FRMPD4: variants seen among roughly 807,000 people sequenced by gnomAD.
FRMPD4 encodes FERM and PDZ domain containing 4, also known as FERM and PDZ domain-containing protein 4.
Under a neutral mutation model 94.1 loss-of-function variants are expected in FRMPD4, and 22 were observed. The ratio of observed to expected loss-of-function variants is 0.23; its 90% CI spans 0.17 to 0.33. The LOEUF (loss-of-function observed/expected upper bound fraction) is 0.33. FRMPD4 is among the 10% of genes least tolerant of loss of function. FRMPD4 has a pLI of 1.00. For missense variants in FRMPD4, 1,111 were observed against 1,339.9 expected (o/e 0.83, Z 2.67); for synonymous variants, 631 against 548.6 (o/e 1.15, Z -2.10).
chrX:12,448,579 G>A (rs914962513), intron 1 of FRMPD4, among the ~76,000 whole-genome samples: 1 of 112,102 alleles, frequency 8.9e-6, no homozygotes, highest in Admixed American at 9.4e-5. Context: ...AACATTCCTG[G>A]CATATGCCTA....
intron 3 of FRMPD4, among the ~76,000 whole-genome samples, chrX:12,128,762 A>C (rs1418758546): frequency 8.9e-6 from 1 of 112,311 alleles, no homozygotes. Context: ...AGAGCACCCA[A>C]GTCACCTCTT....
chrX:12,397,264 A>T (rs5935320), intron 1 of FRMPD4, among the ~76,000 whole-genome samples: 25,704 of 108,257 alleles, frequency 0.24, 2,392 homozygotes, highest in Non-Finnish European at 0.27. Flanking sequence ...CTTTTTTTTA[A>T]AAAAAAAAAT....
chrX:11,864,285 G>C (rs190484247), intron 1 of FRMPD4, among the ~76,000 whole-genome samples: 103 of 109,298 alleles, frequency 9.4e-4, no homozygotes, highest in Non-Finnish European at 2.7e-4. Context: ...GGAGCAAGCA[G>C]AGAGGATCCT....
At position 11,864,935 on chromosome X, in the gene FRMPD4, G is replaced by C. The variant is rs1015445932; in HGVS notation, c.-160-151G>C. On this transcript the variant is annotated intron_variant, in intron 1 of 18. Transcript: ENST00000640291. ...AAAATTGACCATTATTTAAATTGAG[G>C]GTGGTAGAGGTAGAAAAGGACATCC... 4.5e-5 allele frequency among the ~76,000 whole-genome samples: 5 copies of C among 111,573 alleles called. No homozygotes were observed. In the Admixed American group the frequency reaches 4.8e-4, roughly 11 times the overall value.
chrX:12,238,261 A>AT (rs2057092607), intron 1 of FRMPD4, among the ~76,000 whole-genome samples: 1 of 111,230 alleles, frequency 9.0e-6, no homozygotes. Flanking sequence ...AGTAGCTGGG[A>AT]TTACATGCAT....
intron 1 of FRMPD4, among the ~76,000 whole-genome samples, chrX:12,472,027 CTGGGCACAATTTGTGCCCACAATT>C (rs377458272): frequency 4.7e-4 from 53 of 112,684 alleles, no homozygotes; most frequent in African/African-American, 1.4e-3. Context: ...TAAAACTGTG[CTGGGCACAATTTGTGCCCACAATT>C]TGGGCACAAA....
intron 3 of FRMPD4, among the ~76,000 whole-genome samples, chrX:11,933,268 G>T (rs752467710): frequency 8.9e-6 from 1 of 112,032 alleles, no homozygotes; most frequent in South Asian, 3.7e-4. Context: ...CCTCTTTAAA[G>T]ATTTCTCACC....
chrX:11,973,151 G>A (rs1456241355), intron 3 of FRMPD4, among the ~76,000 whole-genome samples: 2 of 112,374 alleles, frequency 1.8e-5, no homozygotes, highest in African/African-American at 3.2e-5. Context: ...TCTAATTCAC[G>A]CTTCTTCTCT....
chrX:11,949,580 G>A (rs774986432), intron 3 of FRMPD4, among the ~76,000 whole-genome samples: 4 of 112,262 alleles, frequency 3.6e-5, no homozygotes, highest in African/African-American at 1.3e-4. Flanking sequence ...GTGTGTATGT[G>A]TATACGCATG....
intron 1 of FRMPD4, among the ~76,000 whole-genome samples, chrX:12,181,143 T>C (rs914578840): frequency 1.8e-5 from 2 of 111,741 alleles, no homozygotes; most frequent in Non-Finnish European, 3.8e-5. Context: ...GGAAACTGAA[T>C]AAAAGGAGAA....
intron 2 of FRMPD4, among the ~76,000 whole-genome samples, chrX:12,528,562 C>CCCACCT (rs781553666): frequency 9.0e-6 from 1 of 110,622 alleles, no homozygotes; most frequent in East Asian, 2.8e-4. Context: ...TTGTGATCCA[C>CCCACCT]CCACCTCGGC....
At chrX:12,392,801 A>G (rs954846420) in intron 1 of FRMPD4, among the ~76,000 whole-genome samples, 1 of 111,762 alleles carries the variant, frequency 8.9e-6, no homozygotes, top group Admixed American at 9.5e-5. Flanking sequence ...TAGAGATAAG[A>G]CCATCCTATT....
chrX:12,413,648 AG>A (rs1425074421), intron 1 of FRMPD4, among the ~76,000 whole-genome samples: 1 of 111,910 alleles, frequency 8.9e-6, no homozygotes, highest in Non-Finnish European at 1.9e-5. Context: ...AGTGGTCTAT[AG>A]ATTCAGTTAC....
intron 1 of FRMPD4, among the ~76,000 whole-genome samples, chrX:12,332,797 TA>T (rs2055452218): frequency 8.9e-6 from 1 of 112,178 alleles, no homozygotes; most frequent in Non-Finnish European, 1.9e-5. Context: ...AAGCCACTAA[TA>T]ACCCCTCTAT....
At chrX:12,111,746 A>C (rs2055364227) in intron 3 of FRMPD4, among the ~76,000 whole-genome samples, 1 of 112,106 alleles carries the variant, frequency 8.9e-6, no homozygotes, top group Non-Finnish European at 1.9e-5. Context: ...CCCATCAACA[A>C]GTGGGCGAAG....
chrX:12,581,078 C>G (rs977499465), intron 2 of FRMPD4, among the ~76,000 whole-genome samples: 1 of 112,536 alleles, frequency 8.9e-6, no homozygotes, highest in African/African-American at 3.2e-5. Flanking sequence ...CTGAACCACA[C>G]GTGTGCAAGC....
intron 4 of FRMPD4, among the ~76,000 whole-genome samples, chrX:12,651,543 TTTTAGCTAACACC>T (rs1444388928): frequency 1.8e-5 from 2 of 110,626 alleles, no homozygotes; most frequent in African/African-American, 6.6e-5. Context: ...CTGCTGAGAA[TTTTAGCTAACACC>T]TCATTTCTTG....
chrX:12,718,944 G>A (rs1196535367), intron 16 of FRMPD4, among the ~76,000 whole-genome samples, 154 bp downstream of exon 16: 2 of 112,108 alleles, frequency 1.8e-5, no homozygotes, highest in Admixed American at 1.9e-4. Flanking sequence ...TTGATCCCCT[G>A]GTATTTAATA....
intron 1 of FRMPD4, among the ~76,000 whole-genome samples, chrX:12,297,532 A>G (rs2054791671): frequency 8.9e-6 from 1 of 111,820 alleles, no homozygotes; most frequent in African/African-American, 3.3e-5. Context: ...GGGGAGTGAT[A>G]CGGAATTGTG....
Sources: allele counts gnomAD v4.1 joint callset (sites outside exome capture counted in the v4.1 genomes callset), GRCh38; gene constraint gnomAD v4.1.1; transcripts MANE v1.5; gene names NCBI Gene and HGNC (gene_info 2026-07-23, HGNC 2026-07-21).